The following ITGAE variants were observed in gnomAD, a reference collection of about 807,000 sequenced individuals.
ITGAE encodes integrin subunit alpha E.
ITGAE carries 99 observed loss-of-function variants against 136.5 expected under a neutral mutation model. The observed-to-expected ratio is 0.73, with a 90% CI of 0.62 to 0.86. The LOEUF is 0.86. Among genes scored for constraint, ITGAE ranks in the 40% least tolerant of loss-of-function variants. The probability of loss-of-function intolerance (pLI) is 0.00; values close to 1 mark genes in which losing one functional copy is unlikely to be tolerated. For synonymous variants in ITGAE, 613 were observed against 591.8 expected, an observed-to-expected ratio of 1.04 and a Z score of -0.52; for missense variants, 1,447 against 1,515.3, an observed-to-expected ratio of 0.95 and a Z score of 0.75.
At chr17:3,764,499 C>G (rs71366575) in intron 2 of ITGAE, among the ~76,000 whole-genome samples, 7,025 of 152,226 alleles carry the variant, frequency 0.046, 218 homozygotes, top group Non-Finnish European at 0.073. Flanking sequence ...GACTTTGAGA[C>G]CAGCCTGATC....
chr17:3,795,517 G>C (rs552223322), intron 1 of ITGAE, among the ~76,000 whole-genome samples: 3 of 152,198 alleles, frequency 2.0e-5, no homozygotes, highest in Non-Finnish European at 4.4e-5. Flanking sequence ...TGCATGGCCC[G>C]TCGGAAGATT....
rs2052853412 is a variant in ITGAE, at chr17:3,788,492, G to A, written c.35-10832C>T. 2.9e-5 allele frequency among the ~76,000 whole-genome samples: 4 copies of A among 139,948 alleles called. No homozygotes were observed. In the South Asian group the frequency reaches 9.0e-4, roughly 31 times the overall value. The allele number at this position is 139,948 out of a possible 152,430, so 91.8% of individuals were successfully genotyped here. Reference sequence around the variant, plus strand: ...TTTTTTTTTTTTTGGTAGAGGCGAGGTTTCACTGTGTTGTTCAAGCTGGTC... The same window carrying A: ...TTTTTTTTTTTTTGGTAGAGGCGAGATTTCACTGTGTTGTTCAAGCTGGTC... On this transcript the variant is annotated intron_variant, in intron 1 of 30. Transcript: ENST00000263087.
In ITGAE at chr17:3,729,844, C is replaced by T. The variant is rs139958774; in HGVS notation, c.2835-289G>A. The stretch of plus-strand genomic sequence containing the variant: ...TCCTGACCTCAAGTGATCTGCCTGC[C>T]TTGGCCTCCCAAAGTGCTGGGATTA... On this transcript the variant is annotated intron_variant, in intron 23 of 30. Transcript: ENST00000263087. Among the ~76,000 whole-genome samples, 615 of 152,290 alleles carry T rather than the reference C, an allele frequency of 4.0e-3. 7 individuals carry two copies. The South Asian group carries it at 0.041, about 10-fold the overall frequency.
chr17:3,724,682 G>T, intron 26 of ITGAE: 3 of 1,614,208 alleles, frequency 1.9e-6, no homozygotes, highest in South Asian at 1.1e-5. Context: ...TTGGCCTTAT[G>T]AACTCAGGAA....
intron 14 of ITGAE, 149 bp from the exon 15 acceptor site, chr17:3,752,023 A>G (rs572291781): frequency 1.0e-4 from 65 of 640,226 alleles, no homozygotes; most frequent in Non-Finnish European, 1.4e-4. Context: ...TTCCCACTCC[A>G]TTGCCACCCA....
rs189401228 is a variant in ITGAE at position 3,777,012 on chromosome 17, G to C, written c.155+528C>G. ...GTCTCGCTCTGTCGCCCAGGCTGGA[G>C]TGCAGTGGCGCCATCTCGGTTCACT... On this transcript the variant is annotated intron_variant, in intron 2 of 30. Transcript: ENST00000263087. Among the ~76,000 whole-genome samples the C allele has an allele frequency of 4.8e-4, 72 of 150,146 alleles. 1 individual carries two copies. In the East Asian group the frequency reaches 7.6e-3, roughly 16 times the overall value.
chr17:3,759,136 C>CAAA (rs35626365), intron 8 of ITGAE, among the ~76,000 whole-genome samples: 19 of 135,706 alleles, frequency 1.4e-4, no homozygotes, highest in Non-Finnish European at 2.8e-4. Context: ...AAAAAAAAAA[C>CAAA]AAAAAAAAAA....
chr17:3,777,163 G>A (rs960156437), intron 2 of ITGAE, among the ~76,000 whole-genome samples: 16 of 151,906 alleles, frequency 1.1e-4, no homozygotes, highest in African/African-American at 1.9e-4. Context: ...GGGTTTCACC[G>A]TGTTAGCCAG....
chr17:3,750,411 A>C lies in ITGAE; in HGVS notation c.1965T>G (p.Ile655Met), dbSNP rs757506322. ...FGMSMAGGFDISGDGLADITV... is the reference protein window; with the variant it reads ...FGMSMAGGFDMSGDGLADITV... ...TGATGTCGGCAAGGCCGTCGCCACT[A>C]ATATCAAAGCCACCAGCCATGGACA... Residue 655 changes from isoleucine to methionine, a missense_variant, in exon 16 of 31, where the codon ATT becomes ATG. Transcript: ENST00000263087. The C allele has an allele frequency of 1.9e-6, 3 of 1,614,192 alleles. No individual in the cohort carries two copies. The highest frequency in any genetic ancestry group is 1.7e-6 in the Non-Finnish European group (2 of 1,180,034).
intron 1 of ITGAE, among the ~76,000 whole-genome samples, chr17:3,793,749 G>A (rs866370069): frequency 1.3e-5 from 2 of 151,892 alleles, no homozygotes; most frequent in African/African-American, 2.4e-5. Flanking sequence ...TGGTTTCACC[G>A]TGTTAGCCGG....
chr17:3,748,729 A>T (rs945000578), intron 16 of ITGAE, among the ~76,000 whole-genome samples: 1 of 152,144 alleles, frequency 6.6e-6, no homozygotes, highest in Non-Finnish European at 1.5e-5. Flanking sequence ...GGGGAAGAGC[A>T]CTCCAGGAAG....
chr17:3,751,606 G>T, intron 15 of ITGAE, 44 bp downstream of exon 15: 1 of 1,561,032 alleles, frequency 6.4e-7, no homozygotes, highest in Non-Finnish European at 8.8e-7. Flanking sequence ...TCTGAGAGAG[G>T]TCAGAGCCCC....
intron 8 of ITGAE, among the ~76,000 whole-genome samples, chr17:3,759,176 C>G (rs1360256021): frequency 6.6e-6 from 1 of 151,908 alleles, no homozygotes; most frequent in Non-Finnish European, 1.5e-5. Context: ...ACCCAGCCAG[C>G]CTGTCCACTG....
chr17:3,762,304 G>A (rs1350230364), intron 3 of ITGAE, among the ~76,000 whole-genome samples: 1 of 152,198 alleles, frequency 6.6e-6, no homozygotes, highest in Admixed American at 6.5e-5. Flanking sequence ...AGTGGGTTTG[G>A]TCGGGCAGGT....
chr17:3,774,676 A>G (rs1229801093), intron 2 of ITGAE, among the ~76,000 whole-genome samples: 1 of 152,104 alleles, frequency 6.6e-6, no homozygotes, highest in Non-Finnish European at 1.5e-5. Flanking sequence ...GAGGCAGGAG[A>G]ATCACTTGAA....
chr17:3,777,213 G>A (rs933717350), intron 2 of ITGAE, among the ~76,000 whole-genome samples: 7 of 150,858 alleles, frequency 4.6e-5, no homozygotes, highest in African/African-American at 9.7e-5. Context: ...CGCCCGCCTC[G>A]GCCTCCCAAA....
chr17:3,792,775 C>G (rs1481973761), intron 1 of ITGAE, among the ~76,000 whole-genome samples: 1 of 152,158 alleles, frequency 6.6e-6, no homozygotes, highest in Non-Finnish European at 1.5e-5. Context: ...AAGGTGATAT[C>G]AACATGAAAA....
chr17:3,725,179 C>T (rs2051178263), intron 26 of ITGAE: 8 of 1,614,170 alleles, frequency 5.0e-6, no homozygotes, highest in African/African-American at 1.3e-5. Flanking sequence ...CTCTCTGGAT[C>T]CCTCCTATCA....
In ITGAE at chr17:3,743,709, T is replaced by TC. The variant is rs1262893236; in HGVS notation, c.2320-93_2320-92insG. ...TTTTTTTCTTTTTCTTTTTTTCTTT[T>TC]TTTTTTTTTTTGAGATGGAGTCTTG... On this transcript the variant is annotated intron_variant, in intron 18 of 30. Transcript: ENST00000263087. The TC allele has an allele frequency of 3.7e-6, 5 of 1,336,392 alleles. No homozygotes were observed. The African/African-American group carries it at 4.7e-5, about 13-fold the overall frequency. The allele number at this position is 1,336,392 out of a possible 1,614,324, so 82.8% of individuals were successfully genotyped here. A position where few individuals can be genotyped will look rare whatever the true frequency, so the allele number is the denominator to read the frequency against.
Sources: allele counts gnomAD v4.1 joint callset (sites outside exome capture counted in the v4.1 genomes callset), GRCh38; gene constraint gnomAD v4.1.1; transcripts MANE v1.5; gene names NCBI Gene and HGNC (gene_info 2026-07-23, HGNC 2026-07-21).